Variants in IRF4 observed in about 807,000 individuals in gnomAD.
IRF4 encodes lymphocyte-specific interferon regulatory factor.
In IRF4, 13 loss-of-function variants were observed where a neutral mutation model predicts 55.5. That is an observed-to-expected ratio of 0.23 (90% CI 0.15 to 0.37). The LOEUF is 0.37. IRF4 is among the 10% of genes least tolerant of loss of function. The probability of loss-of-function intolerance (pLI) is 1.00; values close to 1 mark genes in which losing one functional copy is unlikely to be tolerated. For missense variants in IRF4, 397 were observed against 593.8 expected (o/e 0.67, Z 3.44); for synonymous variants, 249 against 240.7 (o/e 1.03, Z -0.32).
Position 411,091 on chromosome 6 carries a change from C to G in IRF4, c.*3493C>G, listed in dbSNP as rs1184491536. 2 of 233,180 alleles carry G rather than the reference C, an allele frequency of 8.6e-6. No homozygotes were observed. Among genetic ancestry groups the G allele is most frequent in the African/African-American group, 4.4e-5 (2 of 45,302 alleles). The allele number at this position is 233,180 out of a possible 1,614,324, so 14.4% of individuals were successfully genotyped here. ...GTGAGAGAAGGGCCAGGCCGGCAGG[C>G]CAACCCTCCTCCAATGGAAATTCCC... On this transcript the variant is annotated 3_prime_UTR_variant, in exon 9 of 9. Transcript: ENST00000380956.
chr6:398,783 G>T, intron 5 of IRF4, 45 bp from the exon 6 acceptor site: 1 of 1,454,252 alleles, frequency 6.9e-7, no homozygotes. Context: ...GCGGTGCGTC[G>T]GACTCTCTGT....
In IRF4 at chr6:407,585, C is replaced by T. The variant is rs1354319999; in HGVS notation, c.1343C>T (p.Ser448Phe). ...TACCACAGATCTATCCGCCATTCCT[C>T]TATTCAAGAATGAAAAATGTCAAGA... ...EDYHRSIRHS[S>F]IQE The change falls in exon 9 of 9, where the codon TCT becomes TTT. Residue 448 changes from serine (S) to phenylalanine (F), a missense_variant. Ser to Phe is a radical substitution (Grantham distance 155, BLOSUM62 -2). Transcript: ENST00000380956. 2 of 1,595,124 alleles carry T rather than the reference C, an allele frequency of 1.3e-6. No individual in the cohort carries two copies. The highest frequency in any genetic ancestry group is 1.7e-6 in the Non-Finnish European group (2 of 1,170,116).
chr6:405,155 C>A lies in IRF4; in HGVS notation c.1212+25C>A, dbSNP rs545997610. 6.9e-5 allele frequency: 86 copies of A among 1,247,608 alleles called. No homozygotes were observed. In the Middle Eastern group the frequency reaches 9.2e-4, roughly 13 times the overall value. 77.3% of individuals were successfully genotyped at this position (1,247,608 alleles called of 1,614,324 possible). On this transcript the variant is annotated intron_variant, in intron 8 of 8. Coordinates refer to ENST00000380956, the MANE Select transcript of IRF4 (RefSeq NM_002460.4). ...CGTGAGTCCTCAGTTACACTCCTAC[C>A]ATAGTGGCTTCCTGTTCTTTGTAAA...
chr6:394,809 C>T lies in IRF4; in HGVS notation c.217-12C>T. On this transcript the variant is annotated splice_polypyrimidine_tract_variant and intron_variant, in intron 2 of 8. Transcript: ENST00000380956. ...ATTTTGACTTTTCGTTCTCTTCATT[C>T]TTTCCCACCAGGCTTGGGCACTGTT... 1 of 1,604,846 alleles carries T rather than the reference C, an allele frequency of 6.2e-7. No homozygotes were observed. Among genetic ancestry groups the T allele is most frequent in the Non-Finnish European group, 8.5e-7 (1 of 1,176,842 alleles).
chr6:392,459 C>G lies in IRF4; in HGVS notation c.-55-639C>G, dbSNP rs942584737. On this transcript the variant is annotated intron_variant, in intron 1 of 8. Transcript: ENST00000380956. ...CCGGCGGACGCTCTGCGCGCGGAAT[C>G]CCCCGTACTGGGGCTGCAGCCCCCG... 3.3e-5 allele frequency among the ~76,000 whole-genome samples: 5 copies of G among 152,396 alleles called. No homozygotes were observed. The East Asian group carries it at 9.6e-4, about 29-fold the overall frequency.
chr6:395,762 T>C, intron 3 of IRF4, 85 bp from the exon 4 acceptor site: 1 of 956,448 alleles, frequency 1.0e-6, no homozygotes, highest in Non-Finnish European at 1.6e-6. Context: ...AATTAAATGC[T>C]CAGGTATTTT....
Position 395,011 on chromosome 6 carries a change from G to C in IRF4, c.403+4G>C. On this transcript the variant is annotated splice_donor_region_variant and intron_variant, in intron 3 of 8. Coordinates refer to ENST00000380956, the MANE Select transcript of IRF4 (RefSeq NM_002460.4). Reference sequence around the variant, plus strand: ...GTTCCTGAGGGAGCCAAAAAAGGTAGGGGCTCTCCTGAATTTGGGTCACCT... The same window carrying C: ...GTTCCTGAGGGAGCCAAAAAAGGTACGGGCTCTCCTGAATTTGGGTCACCT... 6.3e-7 allele frequency: 1 copy of C among 1,583,658 alleles called. No homozygotes were observed. The highest frequency in any genetic ancestry group is 8.6e-7 in the Non-Finnish European group (1 of 1,164,242).
Position 397,478 on chromosome 6 carries a change from T to C in IRF4, c.637+226T>C, listed in dbSNP as rs1775590. 101,798 of 528,710 alleles carry C rather than the reference T, an allele frequency of 0.19. 13,779 individuals carry two copies. Among genetic ancestry groups the C allele is most frequent in the East Asian group, 0.51 (16,546 of 32,356 alleles). The allele number at this position is 528,710 out of a possible 1,614,324, so 32.8% of individuals were successfully genotyped here. A position where few individuals can be genotyped will look rare whatever the true frequency, so the allele number is the denominator to read the frequency against. On this transcript the variant is annotated intron_variant, in intron 5 of 8. Transcript: ENST00000380956. ...GCTAGGCACTGCCCTTCGTGGGATC[T>C]TATTTAAACACCACAGAGATCACTC...
At chr6:395,238 T>TTG (rs567666072) in intron 3 of IRF4, among the ~76,000 whole-genome samples, 56 of 144,614 alleles carry the variant, frequency 3.9e-4, no homozygotes, top group African/African-American at 1.5e-3. Flanking sequence ...TCAATGTATA[T>TTG]GGGGGGGGGT....
chr6:397,353 C>G, intron 5 of IRF4, 101 bp downstream of exon 5: 1 of 1,416,038 alleles, frequency 7.1e-7, no homozygotes, highest in Non-Finnish European at 9.7e-7. Context: ...AAAGCTCTTT[C>G]CCCTTCTTAG....
At chr6:405,378 C>G (rs1398248033) in intron 8 of IRF4, among the ~76,000 whole-genome samples, 1 of 152,214 alleles carries the variant, frequency 6.6e-6, no homozygotes. Context: ...GAGGGTGCCT[C>G]TTTCCCCATC....
chr6:410,610 G>A lies in IRF4; in HGVS notation c.*3012G>A, dbSNP rs2127444458. ...CTAGCCCCAGGGGTGGAACAACTCTGGGAGTCTTGGGTACTCGCACCTCTT... is the reference window on the plus strand; with the variant it reads ...CTAGCCCCAGGGGTGGAACAACTCTAGGAGTCTTGGGTACTCGCACCTCTT... On this transcript the variant is annotated 3_prime_UTR_variant, in exon 9 of 9. Coordinates refer to ENST00000380956, the MANE Select transcript of IRF4 (RefSeq NM_002460.4). 1 of 230,988 alleles carries A rather than the reference G, an allele frequency of 4.3e-6. No individual in the cohort carries two copies. The highest frequency in any genetic ancestry group is 6.1e-5 in the East Asian group (1 of 16,424). 14.3% of individuals were successfully genotyped at this position (230,988 alleles called of 1,614,324 possible). A position where few individuals can be genotyped will look rare whatever the true frequency, so the allele number is the denominator to read the frequency against.
chr6:397,320 C>T, intron 5 of IRF4, 68 bp downstream of exon 5: 3 of 1,557,310 alleles, frequency 1.9e-6, no homozygotes, highest in Non-Finnish European at 2.6e-6. Flanking sequence ...CATGGCGAAT[C>T]CTGGTCTGTC....
At chr6:394,503 C>T (rs1316857678) in intron 2 of IRF4, among the ~76,000 whole-genome samples, 3 of 152,176 alleles carry the variant, frequency 2.0e-5, no homozygotes, top group Non-Finnish European at 2.9e-5. Flanking sequence ...CATGGTGGCT[C>T]ACACCTGTAA....
In IRF4 at chr6:393,412, C is replaced by A; in HGVS notation, c.216+44C>A. 1 of 1,372,764 alleles carries A rather than the reference C, an allele frequency of 7.3e-7. No individual in the cohort carries two copies. The highest frequency in any genetic ancestry group is 9.8e-7 in the Non-Finnish European group (1 of 1,022,594). 85.0% of individuals were successfully genotyped at this position (1,372,764 alleles called of 1,614,324 possible). The stretch of plus-strand genomic sequence containing the variant: ...CGGCGGGGGCGCGCCGGGGAGGGCC[C>A]AGAGACAGAGCCCGGGGTCCCCGGC... On this transcript the variant is annotated intron_variant, in intron 2 of 8. Coordinates refer to ENST00000380956, the MANE Select transcript of IRF4 (RefSeq NM_002460.4). This position sits in a 1 kb window ranked among gnomAD's most constrained non-coding sequence, Gnocchi z 5.4.
intron 1 of IRF4, among the ~76,000 whole-genome samples, chr6:392,230 AAG>A (rs2127435524): frequency 6.6e-6 from 1 of 152,240 alleles, no homozygotes; most frequent in East Asian, 1.9e-4. Context: ...CTTCGTTCCT[AAG>A]GGGCCCAAGC....
At chr6:406,402 C>T (rs1399902282) in intron 8 of IRF4, among the ~76,000 whole-genome samples, 8 of 152,144 alleles carry the variant, frequency 5.3e-5, no homozygotes, top group Middle Eastern at 3.4e-3. Context: ...ATTAGCCGGG[C>T]GTGGTGGTGC....
chr6:398,146 T>C (rs140443889), intron 5 of IRF4, among the ~76,000 whole-genome samples: 1 of 152,352 alleles, frequency 6.6e-6, no homozygotes, highest in Non-Finnish European at 1.5e-5. Context: ...AGTGGAGGAA[T>C]TGGCTAACAT....
intron 6 of IRF4, 91 bp from the exon 7 acceptor site, chr6:401,329 AGAGT>A (rs1326300815): frequency 7.7e-6 from 7 of 912,618 alleles, no homozygotes; most frequent in Non-Finnish European, 1.2e-5. Flanking sequence ...GTGGGACACT[AGAGT>A]TCCACCACAG....
Sources: gnomAD v4.1 joint callset for allele counts (sites outside exome capture counted in the v4.1 genomes callset) on GRCh38, gnomAD v4.1.1 for gene constraint, Gnocchi (gnomAD v3.1) non-coding constraint, MANE v1.5 for transcripts, NCBI Gene and HGNC (gene_info 2026-07-23, HGNC 2026-07-21) for gene names.